POTEE: variants seen among roughly 807,000 people sequenced by gnomAD.
POTEE encodes the protein POTE ankyrin domain family member E.
POTEE carries 21 observed loss-of-function variants against 74.2 expected under a neutral mutation model. The ratio of observed to expected loss-of-function variants is 0.28; its 90% confidence interval spans 0.20 to 0.41. The LOEUF is 0.41. Among genes scored for constraint, POTEE ranks in the 10% least tolerant of loss-of-function variants. The pLI is 1.00. For synonymous variants in POTEE, 211 were observed against 432.8 expected (o/e 0.49, Z 6.36); for missense variants, 525 against 1,158.6 (o/e 0.45, Z 7.94).
intron 10 of POTEE, among the ~76,000 whole-genome samples, chr2:131,237,589 C>T (rs1375230835): frequency 8.6e-5 from 13 of 151,272 alleles, no homozygotes; most frequent in Admixed American, 7.2e-4. Flanking sequence ...TAGAACTGGA[C>T]TTACGCAGAT....
At chr2:131,217,062 TTAAA>T (rs1463334647) in intron 2 of POTEE, among the ~76,000 whole-genome samples, 2 of 152,002 alleles carry the variant, frequency 1.3e-5, no homozygotes, top group Non-Finnish European at 2.9e-5. Flanking sequence ...AATGAGTGAA[TTAAA>T]TAATATATAA....
chr2:131,218,560 C>A lies in POTEE; in HGVS notation c.158C>A (p.Ala53Asp), dbSNP rs773515425. The change falls in exon 4 of 18, where the codon GCT becomes GAT. Residue 53 changes from alanine to aspartate, a missense_variant. Transcript: ENST00000683005. ...VGTSGDHDDS[A>D]MKTLRSKMGK... is the part of the protein sequence containing the mutation. Reference sequence around the variant, plus strand: ...ACTTCTGGAGACCACGACGACTCTGCTATGAAGACACTCAGGAGCAAGATG... The same window carrying A: ...ACTTCTGGAGACCACGACGACTCTGATATGAAGACACTCAGGAGCAAGATG... The A allele has an allele frequency of 1.2e-6, 2 of 1,612,174 alleles. No homozygotes were observed. The highest frequency in any genetic ancestry group is 4.5e-5 in the East Asian group (2 of 44,698).
At chr2:131,258,282 GT>G (rs1478751196) in intron 16 of POTEE, among the ~76,000 whole-genome samples, 1 of 65,210 alleles carries the variant, frequency 1.5e-5, no homozygotes, top group Admixed American at 1.6e-4. Context: ...TGGATTTAAA[GT>G]TTTGGTTATG....
At chr2:131,221,092 TTAG>T (rs1437039307) in intron 4 of POTEE, among the ~76,000 whole-genome samples, 1 of 152,212 alleles carries the variant, frequency 6.6e-6, no homozygotes, top group Non-Finnish European at 1.5e-5. Flanking sequence ...AACAAACACT[TTAG>T]TGGTAAGAAC....
Position 131,218,663 on chromosome 2 carries a change from C to A in POTEE, c.261C>A (p.Asp87Glu), listed in dbSNP as rs564452394. The change falls in exon 4 of 18, where the codon GAC (aspartate) becomes GAA (glutamate). Residue 87 changes from aspartate (D) to glutamate (E), a missense_variant. Transcript: ENST00000683005. ...KSNVGASGDHDDSAMKTLRNK... is the reference protein window; with the variant it reads ...KSNVGASGDHEDSAMKTLRNK... The stretch of plus-strand genomic sequence containing the variant: ...ACGTGGGCGCTTCTGGAGACCACGA[C>A]GACTCTGCTATGAAGACACTCAGGA... 1 of 1,350,922 alleles carries A rather than the reference C, an allele frequency of 7.4e-7. No homozygotes were observed. Among genetic ancestry groups the A allele is most frequent in the Non-Finnish European group, 1.0e-6 (1 of 1,003,232 alleles). 83.7% of individuals were successfully genotyped at this position (1,350,922 alleles called of 1,614,324 possible). A position where few individuals can be genotyped will look rare whatever the true frequency, so the allele number is the denominator to read the frequency against.
chr2:131,226,872 T>C lies in POTEE; in HGVS notation c.860T>C (p.Val287Ala), dbSNP rs1700797242. ...LLGVHEQKQQ[V>A]VKFLIKKKAN... ...GGTGTACATGAGCAAAAACAGCAAG[T>C]CGTGAAATTTTTAATCAAGAAAAAA... Residue 287 changes from valine (V) to alanine (A), a missense_variant, in exon 7 of 18, where the codon GTC becomes GCC. Coordinates refer to ENST00000683005, the MANE Select transcript of POTEE (RefSeq NM_001083538.3). The C allele has an allele frequency of 1.2e-6, 2 of 1,611,798 alleles. No homozygotes were observed. The highest frequency in any genetic ancestry group is 1.7e-6 in the Non-Finnish European group (2 of 1,179,668).
intron 8 of POTEE, chr2:131,229,718 G>A (rs1700890473): frequency 1.3e-5 from 2 of 152,206 alleles, no homozygotes. Flanking sequence ...ATTTTGTGCA[G>A]TCACTGGAAG....
At chr2:131,223,032 A>G (rs1393781285) in intron 4 of POTEE, among the ~76,000 whole-genome samples, 2 of 151,794 alleles carry the variant, frequency 1.3e-5, no homozygotes, top group African/African-American at 2.4e-5. Flanking sequence ...TGGAGACAAC[A>G]TGGAGACAAT....
At chr2:131,231,474 T>C (rs1352727147) in intron 9 of POTEE, among the ~76,000 whole-genome samples, 1 of 152,068 alleles carries the variant, frequency 6.6e-6, no homozygotes, top group Non-Finnish European at 1.5e-5. Flanking sequence ...CTTTGCGTGG[T>C]CCTACCATAG....
chr2:131,212,037 T>G (rs1203323162), intron 2 of POTEE, among the ~76,000 whole-genome samples: 1 of 151,952 alleles, frequency 6.6e-6, no homozygotes, highest in Non-Finnish European at 1.5e-5. Flanking sequence ...GCTGCTTCTA[T>G]TTCATGTTTC....
intron 2 of POTEE, among the ~76,000 whole-genome samples, chr2:131,212,988 C>T (rs1700387908): frequency 6.7e-6 from 1 of 148,514 alleles, no homozygotes; most frequent in Non-Finnish European, 1.5e-5. Context: ...GAGATGAAGT[C>T]TCGCTCTTGT....
intron 9 of POTEE, among the ~76,000 whole-genome samples, chr2:131,231,540 C>T (rs1700959334): frequency 6.6e-6 from 1 of 152,024 alleles, no homozygotes; most frequent in Non-Finnish European, 1.5e-5. Context: ...AAGCACAAGT[C>T]ATGTTACATA....
At chr2:131,254,926 C>T (rs1397643360) in intron 16 of POTEE, among the ~76,000 whole-genome samples, 1 of 152,264 alleles carries the variant, frequency 6.6e-6, no homozygotes, top group South Asian at 2.1e-4. Flanking sequence ...TTTAGTATTT[C>T]TTGGTCTTTA....
At position 131,228,789 on chromosome 2, in the gene POTEE, C is replaced by A. The variant is rs1700858602; in HGVS notation, c.1055+408C>A. On this transcript the variant is annotated intron_variant, in intron 8 of 17. Transcript: ENST00000683005. ...ACATACTCCTTGAATTTTTCAAGAA[C>A]CGAAGGAGTTCACTAAATCCAAGGA... Among the ~76,000 whole-genome samples the A allele has an allele frequency of 1.4e-5, 2 of 146,594 alleles. 1 individual carries two copies. The highest frequency in any genetic ancestry group is 4.2e-4 in the South Asian group (2 of 4,794).
chr2:131,263,954 C>T lies in POTEE; in HGVS notation c.2499C>T (p.Tyr833=), dbSNP rs374329349. The T allele has an allele frequency of 1.4e-5, 23 of 1,614,198 alleles. No homozygotes were observed. Among genetic ancestry groups the T allele is most frequent in the African/African-American group, 1.3e-4 (10 of 75,064 alleles). Residue 833 remains tyrosine, a synonymous_variant, in exon 18 of 18, where the codon TAC becomes TAT. Coordinates refer to ENST00000683005, the MANE Select transcript of POTEE (RefSeq NM_001083538.3). ...MFETFNTPAM[Y]VAIQAVPSLY... is the part of the protein sequence containing the mutation. ...AGACCTTCAACACCCCAGCCATGTA[C>T]GTGGCCATCCAGGCCGTGCCGTCCC...
intron 3 of POTEE, chr2:131,218,085 C>G: frequency 2.1e-6 from 1 of 478,994 alleles, no homozygotes; most frequent in Non-Finnish European, 3.8e-6. Flanking sequence ...TTGACCTTTT[C>G]TCTGCTGGGT....
At chr2:131,223,514 C>G in intron 4 of POTEE, 82 bp from the exon 5 acceptor site, 2 of 1,308,862 alleles carry the variant, frequency 1.5e-6, no homozygotes, top group Non-Finnish European at 1.1e-6. Context: ...GCAGGCTATT[C>G]AGTGTTTGCA....
At chr2:131,214,784 T>C (rs1700417846) in intron 2 of POTEE, among the ~76,000 whole-genome samples, 1 of 152,256 alleles carries the variant, frequency 6.6e-6, no homozygotes. Context: ...CATAAATTGA[T>C]GCTTTGACTT....
At chr2:131,228,708 C>G (rs530811102) in intron 8 of POTEE, among the ~76,000 whole-genome samples, 1 of 146,394 alleles carries the variant, frequency 6.8e-6, no homozygotes, top group Non-Finnish European at 1.5e-5. Flanking sequence ...TTATTTGGGT[C>G]TTGAAATGTC....
Sources: gnomAD v4.1 joint callset for allele counts (sites outside exome capture counted in the v4.1 genomes callset) on GRCh38, gnomAD v4.1.1 for gene constraint, MANE v1.5 for transcripts, NCBI Gene and HGNC (gene_info 2026-07-23, HGNC 2026-07-21) for gene names.